The following GRK5 variants were observed in gnomAD, a reference collection of about 807,000 sequenced individuals.
The protein encoded by GRK5 is G protein-coupled receptor kinase 5.
In GRK5, 40 loss-of-function variants were observed where a neutral mutation model predicts 78.4. That is an observed-to-expected ratio of 0.51 (90% CI 0.40 to 0.66). GRK5 has a LOEUF of 0.66. Among genes scored for constraint, GRK5 ranks in the 30% least tolerant of loss-of-function variants. The pLI, the probability that GRK5 is intolerant of heterozygous loss-of-function variation, is 0.00. For missense variants in GRK5, 598 were observed against 759.9 expected (o/e 0.79, Z 2.50); for synonymous variants, 289 against 296.8 (o/e 0.97, Z 0.27).
intron 1 of GRK5, among the ~76,000 whole-genome samples, chr10:119,216,769 G>A (rs555359764): frequency 1.3e-5 from 2 of 152,218 alleles, no homozygotes; most frequent in Admixed American, 6.5e-5. Context: ...CCTGACCACC[G>A]TGGTGAAAAC....
chr10:119,256,385 C>G lies in GRK5; in HGVS notation c.52+48416C>G, dbSNP rs866990020. On this transcript the variant is annotated intron_variant, in intron 1 of 15. Coordinates refer to ENST00000392870, the MANE Select transcript of GRK5 (RefSeq NM_005308.3). Reference sequence around the variant, plus strand: ...CCGGTAGTCGCCAGCCACTTCTTGTCCCCTGGTCCCTCATCCTCCATCCTC... The same window carrying G: ...CCGGTAGTCGCCAGCCACTTCTTGTGCCCTGGTCCCTCATCCTCCATCCTC... Among the ~76,000 whole-genome samples the G allele has an allele frequency of 1.3e-5, 2 of 152,160 alleles. 1 individual carries two copies. The highest frequency in any genetic ancestry group is 1.3e-4 in the Admixed American group (2 of 15,286).
At chr10:119,268,393 C>CAAGGTTT in intron 1 of GRK5, among the ~76,000 whole-genome samples, 1 of 152,312 alleles carries the variant, frequency 6.6e-6, no homozygotes, top group Admixed American at 6.5e-5. Flanking sequence ...CCTGGGCAGC[C>CAAGGTTT]CCGTTGGTTT....
At chr10:119,436,963 G>C in intron 9 of GRK5, 122 bp downstream of exon 9, 1 of 921,364 alleles carries the variant, frequency 1.1e-6, no homozygotes, top group Non-Finnish European at 1.6e-6. Context: ...CACCAGGGGA[G>C]GATGCAGAGT....
chr10:119,443,158 ATTGT>A (rs1206004639), intron 11 of GRK5, among the ~76,000 whole-genome samples: 4 of 152,162 alleles, frequency 2.6e-5, no homozygotes, highest in African/African-American at 4.8e-5. Flanking sequence ...ATAGCAAGAG[ATTGT>A]TTGAATTACA....
At chr10:119,450,804 G>A (rs899809023) in intron 13 of GRK5, among the ~76,000 whole-genome samples, 5 of 152,058 alleles carry the variant, frequency 3.3e-5, no homozygotes, top group African/African-American at 9.7e-5. Context: ...TGCCTCAGCC[G>A]TGTACCCTGT....
rs746377594 is a variant in GRK5 at position 119,452,662 on chromosome 10, C to T, written c.1405-9C>T. On this transcript the variant is annotated splice_polypyrimidine_tract_variant and intron_variant, in intron 13 of 15. Coordinates refer to ENST00000392870, the MANE Select transcript of GRK5 (RefSeq NM_005308.3). The surrounding 1 kb of genome is among the most constrained non-coding windows in gnomAD (Gnocchi z 4.4). ...GACATATGTGTGACCGGCCCTCTGC[C>T]CCTGGCAGCCCCGCGCTGTGTACTG... 63 of 1,613,748 alleles carry T rather than the reference C, an allele frequency of 3.9e-5. No homozygotes were observed. The highest frequency in any genetic ancestry group is 5.3e-5 in the Non-Finnish European group (63 of 1,180,002).
chr10:119,277,240 C>T (rs1171277543), intron 1 of GRK5, among the ~76,000 whole-genome samples: 1 of 152,142 alleles, frequency 6.6e-6, no homozygotes, highest in Non-Finnish European at 1.5e-5. Flanking sequence ...CCAAGAGAGC[C>T]CACAGACCAC....
chr10:119,300,313 CT>C (rs1245629648), intron 1 of GRK5, among the ~76,000 whole-genome samples: 2 of 152,216 alleles, frequency 1.3e-5, no homozygotes, highest in Non-Finnish European at 2.9e-5. Flanking sequence ...TATTTGCAGA[CT>C]GATGTGTTAC....
chr10:119,335,229 T>G (rs1850863856), intron 2 of GRK5, among the ~76,000 whole-genome samples: 1 of 142,812 alleles, frequency 7.0e-6, no homozygotes, highest in African/African-American at 2.6e-5. Flanking sequence ...CTTTCCTTCT[T>G]TATCTTTCTC....
At chr10:119,326,485 C>T (rs1018535861) in intron 1 of GRK5, 31 bp from the exon 2 acceptor site, 1 of 1,578,834 alleles carries the variant, frequency 6.3e-7, no homozygotes, top group African/African-American at 1.3e-5. Context: ...TCTGGAGCCT[C>T]AGCCAGGCAT....
chr10:119,280,325 C>T (rs1341370027), intron 1 of GRK5, among the ~76,000 whole-genome samples: 1 of 152,204 alleles, frequency 6.6e-6, no homozygotes, highest in Non-Finnish European at 1.5e-5. Flanking sequence ...ATTCTCTGAG[C>T]CTGTGCACTG....
intron 10 of GRK5, among the ~76,000 whole-genome samples, chr10:119,441,396 G>C (rs1240004912): frequency 6.6e-6 from 1 of 152,232 alleles, no homozygotes; most frequent in Non-Finnish European, 1.5e-5. Flanking sequence ...CAGGTGGGCT[G>C]TGGGAGGGAC....
At chr10:119,322,037 G>A (rs765765174) in intron 1 of GRK5, among the ~76,000 whole-genome samples, 1 of 152,202 alleles carries the variant, frequency 6.6e-6, no homozygotes, top group Non-Finnish European at 1.5e-5. Context: ...CTAGAGTGCA[G>A]TGGCATGATC....
At chr10:119,366,415 A>G (rs1851450780) in intron 2 of GRK5, among the ~76,000 whole-genome samples, 1 of 152,238 alleles carries the variant, frequency 6.6e-6, no homozygotes, top group African/African-American at 2.4e-5. Flanking sequence ...GCCAGCTCTC[A>G]GGATAGCCAG....
chr10:119,236,492 G>T (rs1293008419), intron 1 of GRK5, among the ~76,000 whole-genome samples: 1 of 152,146 alleles, frequency 6.6e-6, no homozygotes, highest in Non-Finnish European at 1.5e-5. Context: ...GGGATTACAG[G>T]CGTGAGCCAC....
rs964290171 is a variant in GRK5 at position 119,264,322 on chromosome 10, T to C, written c.52+56353T>C. Among the ~76,000 whole-genome samples, 10 of 152,276 alleles carry C rather than the reference T, an allele frequency of 6.6e-5. No homozygotes were observed. Among genetic ancestry groups the C allele is most frequent in the African/African-American group, 2.4e-4 (10 of 41,562 alleles). On this transcript the variant is annotated intron_variant, in intron 1 of 15. Coordinates refer to ENST00000392870, the MANE Select transcript of GRK5 (RefSeq NM_005308.3). The surrounding 1 kb of genome is among the most constrained non-coding windows in gnomAD (Gnocchi z 4.1). ...CAAATAAACAAAAACCTCCAGGGCA[T>C]TTGTTGGCACATGTGCTTGGGAAGT...
intron 1 of GRK5, among the ~76,000 whole-genome samples, chr10:119,296,533 G>T (rs999642498): frequency 6.6e-6 from 1 of 152,198 alleles, no homozygotes; most frequent in Admixed American, 6.5e-5. Flanking sequence ...GGGAGGGCAG[G>T]CAGGGGTGGC....
intron 1 of GRK5, among the ~76,000 whole-genome samples, chr10:119,291,528 C>G (rs544264606): frequency 7.0e-6 from 1 of 141,888 alleles, no homozygotes; most frequent in Non-Finnish European, 1.5e-5. Flanking sequence ...CCTCCTCTTC[C>G]TCCTCCTCCT....
chr10:119,399,633 C>T (rs1487233734), intron 4 of GRK5, among the ~76,000 whole-genome samples: 1 of 152,182 alleles, frequency 6.6e-6, no homozygotes, highest in Non-Finnish European at 1.5e-5. Context: ...ACCATGTCTC[C>T]CCCGGTAGAT....
Sources: gnomAD v4.1 joint callset for allele counts (sites outside exome capture counted in the v4.1 genomes callset) on GRCh38, gnomAD v4.1.1 for gene constraint, Gnocchi (gnomAD v3.1) non-coding constraint, MANE v1.5 for transcripts, NCBI Gene and HGNC (gene_info 2026-07-23, HGNC 2026-07-21) for gene names.